RBPJ: variants seen among roughly 807,000 people sequenced by gnomAD.
The protein encoded by RBPJ is recombining binding protein suppressor of hairless.
RBPJ carries 9 observed loss-of-function variants against 67.8 expected under a neutral mutation model. That is an observed-to-expected ratio of 0.13 (90% CI 0.08 to 0.23). The LOEUF (loss-of-function observed/expected upper bound fraction) is 0.23, where lower values mean the gene tolerates loss of function less well. Ranked by LOEUF, RBPJ falls within the 10% of genes least tolerant of loss-of-function variation. RBPJ has a pLI of 1.00. For synonymous variants in RBPJ, 198 were observed against 203.3 expected (o/e 0.97, Z 0.22); for missense variants, 305 against 595.6 (o/e 0.51, Z 5.08).
At chr4:26,339,514 A>G (rs1725267168) in intron 1 of RBPJ, among the ~76,000 whole-genome samples, 1 of 151,996 alleles carries the variant, frequency 6.6e-6, no homozygotes, top group Admixed American at 6.6e-5. Context: ...GCCGCCTGTA[A>G]TCCCAGTTAC....
chr4:26,297,461 G>A (rs1721917950), intron 1 of RBPJ, among the ~76,000 whole-genome samples: 1 of 152,100 alleles, frequency 6.6e-6, no homozygotes, highest in African/African-American at 2.4e-5. Flanking sequence ...AAATCCAGCA[G>A]TGACTGAGAA....
At chr4:26,249,632 G>A (rs939781509) in intron 1 of RBPJ, among the ~76,000 whole-genome samples, 7 of 152,056 alleles carry the variant, frequency 4.6e-5, no homozygotes, top group African/African-American at 1.7e-4. Flanking sequence ...CTGCACTCCA[G>A]CCTGGGTGAC....
the RBPJ span, among the ~76,000 whole-genome samples, chr4:26,129,872 A>AT: frequency 1.1e-4 from 16 of 151,054 alleles, no homozygotes; most frequent in African/African-American, 2.4e-4. Context: ...TTTTATTTTT[A>AT]TTTTTTTGAG....
chr4:26,235,960 C>T (rs1345970418), intron 1 of RBPJ, among the ~76,000 whole-genome samples: 1 of 152,200 alleles, frequency 6.6e-6, no homozygotes, highest in Non-Finnish European at 1.5e-5. Flanking sequence ...TCTGCCTGAA[C>T]TTTCAATATA....
chr4:26,305,924 C>T (rs1193952455), intron 1 of RBPJ, among the ~76,000 whole-genome samples: 3 of 151,452 alleles, frequency 2.0e-5, no homozygotes, highest in South Asian at 2.1e-4. Context: ...GGACTACAGG[C>T]GTGTGCCACT....
At chr4:26,157,319 G>C in the RBPJ span, among the ~76,000 whole-genome samples, 1 of 152,062 alleles carries the variant, frequency 6.6e-6, no homozygotes, top group Non-Finnish European at 1.5e-5. Flanking sequence ...TGCAGTCCCA[G>C]CTAATTGGGA....
chr4:26,393,013 A>G (rs116216391), intron 2 of RBPJ, among the ~76,000 whole-genome samples: 580 of 152,154 alleles, frequency 3.8e-3, no homozygotes, highest in Non-Finnish European at 6.5e-3. Context: ...ATGCCCAGCT[A>G]ATTTTTAATT....
rs1162124172 is a variant in RBPJ at position 26,389,069 on chromosome 4, G to GA, written c.59+2687dup. 5.3e-5 allele frequency among the ~76,000 whole-genome samples: 8 copies of GA among 150,776 alleles called. No homozygotes were observed. In the South Asian group the frequency reaches 1.3e-3, roughly 24 times the overall value. ...AAACCGTGTCTGTACCAGAAAGTTA[G>GA]AAAAAAAAAGTTAGCCAGGAGTTGT... On this transcript the variant is annotated intron_variant, in intron 2 of 10. Transcript: ENST00000355476.
chr4:26,161,331 T>G (rs548009530), upstream of RBPJ, among the ~76,000 whole-genome samples: 1 of 152,332 alleles, frequency 6.6e-6, no homozygotes, highest in East Asian at 1.9e-4. Flanking sequence ...GGTAGATAAA[T>G]GGTGATTGTT....
chr4:26,250,973 TCTTAAAGTGGAGTTTGAGGACAC>T (rs1381727224), intron 1 of RBPJ, among the ~76,000 whole-genome samples: 1 of 152,238 alleles, frequency 6.6e-6, no homozygotes, highest in Admixed American at 6.5e-5. Context: ...TAAACGCATT[TCTTAAAGTGGAGTTTGAGGACAC>T]CTAGGGTAGA....
At chr4:26,236,609 A>T (rs893800868) in intron 1 of RBPJ, among the ~76,000 whole-genome samples, 1 of 152,210 alleles carries the variant, frequency 6.6e-6, no homozygotes, top group Non-Finnish European at 1.5e-5. Flanking sequence ...GGCTTCATCC[A>T]GAGCAAGCAA....
At chr4:26,182,552 G>A (rs1299875310) in intron 1 of RBPJ, among the ~76,000 whole-genome samples, 1 of 149,952 alleles carries the variant, frequency 6.7e-6, no homozygotes, top group East Asian at 2.0e-4. Flanking sequence ...GGAGGGCAGT[G>A]GCCTGATCAC....
the RBPJ span, among the ~76,000 whole-genome samples, chr4:26,152,406 A>T: frequency 6.6e-6 from 1 of 152,242 alleles, no homozygotes; most frequent in African/African-American, 2.4e-5. Context: ...TAAGCCACTG[A>T]TGCTTTCAGA....
At position 26,410,280 on chromosome 4, in the gene RBPJ, C is replaced by CA. The variant is rs539418085; in HGVS notation, c.155+4014dup. Reference sequence around the variant, plus strand: ...CTCTTGGCTGTGTCTTTTTGGCATACAAAATAACTCCAGTGAGTGATGCTT... The same window carrying CA: ...CTCTTGGCTGTGTCTTTTTGGCATACAAAAATAACTCCAGTGAGTGATGCTT... On this transcript the variant is annotated intron_variant, in intron 3 of 10. Transcript: ENST00000355476. 4.3e-4 allele frequency: 71 copies of CA among 165,224 alleles called. 2 individuals carry two copies. In the South Asian group the frequency reaches 7.8e-3, roughly 18 times the overall value. 10.2% of individuals were successfully genotyped at this position (165,224 alleles called of 1,614,324 possible). A position where few individuals can be genotyped will look rare whatever the true frequency, so the allele number is the denominator to read the frequency against.
At chr4:26,354,742 C>G (rs1007671021) in intron 1 of RBPJ, among the ~76,000 whole-genome samples, 4 of 152,036 alleles carry the variant, frequency 2.6e-5, no homozygotes, top group African/African-American at 4.8e-5. Flanking sequence ...GAGCCACATG[C>G]CTGGCCGGCA....
At chr4:26,301,410 G>C (rs1577404807) in intron 1 of RBPJ, among the ~76,000 whole-genome samples, 1 of 151,914 alleles carries the variant, frequency 6.6e-6, no homozygotes, top group African/African-American at 2.4e-5. Flanking sequence ...GGCTCACACG[G>C]TGAAACCCCA....
chr4:26,300,160 A>C (rs1722028631), intron 1 of RBPJ, among the ~76,000 whole-genome samples: 1 of 151,858 alleles, frequency 6.6e-6, no homozygotes, highest in Admixed American at 6.6e-5. Context: ...TGGCCAAATC[A>C]CTTGAATTTT....
intron 1 of RBPJ, among the ~76,000 whole-genome samples, chr4:26,262,047 G>A (rs1169071446): frequency 6.6e-6 from 1 of 152,194 alleles, no homozygotes; most frequent in Non-Finnish European, 1.5e-5. Context: ...CTGGGCTCAA[G>A]CGGTCCTCCC....
intron 1 of RBPJ, among the ~76,000 whole-genome samples, chr4:26,195,634 G>A (rs574848170): frequency 5.9e-5 from 9 of 151,916 alleles, no homozygotes; most frequent in East Asian, 1.9e-4. Flanking sequence ...TCACTCGGTC[G>A]CCCAGGCTGG....
Sources: gnomAD v4.1 joint callset for allele counts (sites outside exome capture counted in the v4.1 genomes callset) on GRCh38, gnomAD v4.1.1 for gene constraint, MANE v1.5 for transcripts, NCBI Gene and HGNC (gene_info 2026-07-23, HGNC 2026-07-21) for gene names.